Variants in DEUP1 observed in about 807,000 individuals in gnomAD.
The protein encoded by DEUP1 is deuterosome assembly protein 1, also known as coiled-coil domain containing 67.
In DEUP1, 82 loss-of-function variants were observed where a neutral mutation model predicts 87.4. That is an observed-to-expected ratio of 0.94 (90% CI 0.78 to 1.13). The LOEUF is 1.13. Ranked by LOEUF, DEUP1 falls within the 50% of genes most tolerant of loss-of-function variation. The pLI is 0.00. For missense variants in DEUP1, 663 were observed against 681.5 expected (o/e 0.97, Z 0.30); for synonymous variants, 214 against 222.7 (o/e 0.96, Z 0.35).
At chr11:93,419,554 G>A (rs532501564) in intron 13 of DEUP1, among the ~76,000 whole-genome samples, 51 of 152,038 alleles carry the variant, frequency 3.4e-4, no homozygotes, top group Non-Finnish European at 6.2e-4. Context: ...TTATTTTCTA[G>A]GCACCACCAA....
chr11:93,407,330 A>G (rs1431419597), intron 11 of DEUP1, among the ~76,000 whole-genome samples: 1 of 152,180 alleles, frequency 6.6e-6, no homozygotes, highest in Admixed American at 6.5e-5. Flanking sequence ...GCCTAGAAAC[A>G]ATAGGCTTTA....
intron 10 of DEUP1, 101 bp from the exon 11 acceptor site, chr11:93,396,138 C>T: frequency 1.4e-6 from 1 of 731,326 alleles, no homozygotes; most frequent in South Asian, 1.7e-5. Flanking sequence ...TGTTTCCCTT[C>T]ATTACACTTA....
rs190272170 is a variant in DEUP1 at position 93,437,544 on chromosome 11, C to G, written c.1640C>G (p.Ser547Cys). ...LVSDDDVFPLSPPDMSFPASL... is the reference protein window; with the variant it reads ...LVSDDDVFPLCPPDMSFPASL... Reference sequence around the variant, plus strand: ...ACTTTTCTTTCTTTCTCTCTTTAGTCTCCCCCAGATATGTCCTTCCCAGCA... The same window carrying G: ...ACTTTTCTTTCTTTCTCTCTTTAGTGTCCCCCAGATATGTCCTTCCCAGCA... Residue 547 changes from serine (S) to cysteine (C), a missense_variant and splice_region_variant, in exon 14 of 14, where the codon TCT becomes TGT. Ser to Cys is a moderately radical substitution (Grantham distance 112). Coordinates refer to ENST00000298050, the MANE Select transcript of DEUP1 (RefSeq NM_181645.4). The G allele has an allele frequency of 6.2e-7, 1 of 1,601,392 alleles. No individual in the cohort carries two copies. Among genetic ancestry groups the G allele is most frequent in the Middle Eastern group, 1.7e-4 (1 of 5,990 alleles).
chr11:93,363,017 A>G (rs963629177), intron 4 of DEUP1, among the ~76,000 whole-genome samples: 1 of 151,930 alleles, frequency 6.6e-6, no homozygotes, highest in Admixed American at 6.6e-5. Flanking sequence ...GTCTCAATAT[A>G]TGAATGGTTA....
chr11:93,384,647 C>T (rs548889842), intron 7 of DEUP1, among the ~76,000 whole-genome samples: 15 of 152,342 alleles, frequency 9.8e-5, no homozygotes, highest in African/African-American at 3.6e-4. Context: ...AGGGTTGAAT[C>T]ACAGTTTATA....
intron 2 of DEUP1, among the ~76,000 whole-genome samples, chr11:93,336,869 C>T (rs1051573725): frequency 1.3e-4 from 20 of 152,018 alleles, no homozygotes; most frequent in Admixed American, 1.3e-3. Flanking sequence ...TATTTTTATC[C>T]TTCTAGGTTT....
At chr11:93,338,879 G>A (rs1034910979) in intron 2 of DEUP1, among the ~76,000 whole-genome samples, 2 of 152,198 alleles carry the variant, frequency 1.3e-5, no homozygotes, top group African/African-American at 2.4e-5. Context: ...AGCAGGGTGT[G>A]AAAAAATGAA....
At chr11:93,336,794 C>G (rs1565288367) in intron 2 of DEUP1, among the ~76,000 whole-genome samples, 1 of 152,144 alleles carries the variant, frequency 6.6e-6, no homozygotes, top group East Asian at 1.9e-4. Context: ...GGCTGACACT[C>G]ACTTGCTACT....
At chr11:93,384,411 G>C (rs1591194829) in intron 7 of DEUP1, among the ~76,000 whole-genome samples, 2 of 152,114 alleles carry the variant, frequency 1.3e-5, no homozygotes, top group East Asian at 3.9e-4. Flanking sequence ...CAGAGAGGAG[G>C]GCCTTACTTT....
chr11:93,430,126 C>T (rs947352824), intron 13 of DEUP1, among the ~76,000 whole-genome samples: 3 of 152,108 alleles, frequency 2.0e-5, no homozygotes, highest in Non-Finnish European at 2.9e-5. Flanking sequence ...CACTATACTC[C>T]GCTGATTCTC....
intron 2 of DEUP1, among the ~76,000 whole-genome samples, chr11:93,351,001 T>C (rs1377333434): frequency 6.8e-6 from 1 of 148,146 alleles, no homozygotes; most frequent in Non-Finnish European, 1.5e-5. Context: ...TGAAAATTTA[T>C]TTTCATATAA....
chr11:93,397,437 A>G (rs1385247699), intron 11 of DEUP1, among the ~76,000 whole-genome samples: 2 of 152,216 alleles, frequency 1.3e-5, no homozygotes, highest in African/African-American at 4.8e-5. Context: ...CTGAACACAC[A>G]AAAAGTTAAA....
At chr11:93,400,443 C>A (rs1015387513) in intron 11 of DEUP1, among the ~76,000 whole-genome samples, 2 of 150,466 alleles carry the variant, frequency 1.3e-5, no homozygotes, top group African/African-American at 4.9e-5. Context: ...TCCTGTGCTT[C>A]TTCCCATCAT....
At chr11:93,419,592 T>C (rs1426506261) in intron 13 of DEUP1, among the ~76,000 whole-genome samples, 2 of 152,104 alleles carry the variant, frequency 1.3e-5, no homozygotes, top group Non-Finnish European at 2.9e-5. Flanking sequence ...TTGCACAAGG[T>C]ATTTAGCCTT....
chr11:93,391,601 G>A (rs759657362), intron 9 of DEUP1, among the ~76,000 whole-genome samples: 10 of 151,296 alleles, frequency 6.6e-5, no homozygotes, highest in Admixed American at 2.0e-4. Context: ...CCAGCTACTC[G>A]GGAGGCTGAG....
rs981465715 is a variant in DEUP1, at chr11:93,415,988, T to C, written c.1638+874T>C. Among the ~76,000 whole-genome samples the C allele has an allele frequency of 1.1e-4, 17 of 152,268 alleles. No individual in the cohort carries two copies. The South Asian group carries it at 3.1e-3, about 28-fold the overall frequency. On this transcript the variant is annotated intron_variant, in intron 13 of 13. Transcript: ENST00000298050. ...ATGAGTCTTTTGGTGCATGTGTATA[T>C]ACATTTCCACTGGGTATGCATACCT...
intron 4 of DEUP1, among the ~76,000 whole-genome samples, chr11:93,358,876 C>T (rs1184916333): frequency 6.6e-6 from 1 of 152,158 alleles, no homozygotes; most frequent in African/African-American, 2.4e-5. Context: ...AGACACCATG[C>T]CCAGCCTCTT....
At chr11:93,435,459 T>A (rs1457663320) in intron 13 of DEUP1, among the ~76,000 whole-genome samples, 1 of 152,168 alleles carries the variant, frequency 6.6e-6, no homozygotes, top group Non-Finnish European at 1.5e-5. Flanking sequence ...TGACAAGAAT[T>A]GTCTTGCAAA....
chr11:93,354,116 T>A (rs1189731435), intron 2 of DEUP1, among the ~76,000 whole-genome samples: 1 of 152,226 alleles, frequency 6.6e-6, no homozygotes, highest in Non-Finnish European at 1.5e-5. Context: ...AAGTCACCTC[T>A]TGAATGCTTT....
Sources: gnomAD v4.1 joint callset for allele counts (sites outside exome capture counted in the v4.1 genomes callset) on GRCh38, gnomAD v4.1.1 for gene constraint, MANE v1.5 for transcripts, NCBI Gene and HGNC (gene_info 2026-07-23, HGNC 2026-07-21) for gene names.